The following EXT2 variants were observed in gnomAD, a reference collection of about 807,000 sequenced individuals.
EXT2 encodes the protein exostosin-2.
In EXT2, 53 loss-of-function variants were observed where a neutral mutation model predicts 81.6. That is an observed-to-expected ratio of 0.65 (90% CI 0.52 to 0.82). The LOEUF (loss-of-function observed/expected upper bound fraction) is 0.82, where lower values mean the gene tolerates loss of function less well. EXT2 is among the 40% of genes least tolerant of loss of function. EXT2 has a pLI of 0.00. For missense variants in EXT2, 774 were observed against 910.2 expected, an observed-to-expected ratio of 0.85 and a Z score of 1.93; for synonymous variants, 320 against 340.0, an observed-to-expected ratio of 0.94 and a Z score of 0.65.
intron 10 of EXT2, among the ~76,000 whole-genome samples, chr11:44,211,162 T>TTGTACAC (rs1448410029): frequency 6.6e-6 from 1 of 152,172 alleles, no homozygotes; most frequent in Non-Finnish European, 1.5e-5. Context: ...ATGTATGGCC[T>TTGTACAC]TGTACACTGT....
chr11:44,145,260 T>C (rs1229019718), intron 7 of EXT2, among the ~76,000 whole-genome samples: 1 of 152,070 alleles, frequency 6.6e-6, no homozygotes, highest in Non-Finnish European at 1.5e-5. Context: ...AAACATTGAG[T>C]AGAAAATGCC....
intron 3 of EXT2, among the ~76,000 whole-genome samples, chr11:44,113,530 G>A (rs1055642614): frequency 3.3e-5 from 5 of 152,198 alleles, no homozygotes; most frequent in Non-Finnish European, 7.3e-5. Flanking sequence ...CAAACTGCAA[G>A]AGAAGCACTG....
At chr11:44,176,167 C>G (rs1955155291) in intron 8 of EXT2, among the ~76,000 whole-genome samples, 1 of 152,062 alleles carries the variant, frequency 6.6e-6, no homozygotes, top group Admixed American at 6.5e-5. Flanking sequence ...CAGGCGAATT[C>G]ATAAAGAATT....
At chr11:44,167,948 A>C (rs2135119858) in intron 7 of EXT2, among the ~76,000 whole-genome samples, 1 of 151,154 alleles carries the variant, frequency 6.6e-6, no homozygotes, top group Non-Finnish European at 1.5e-5. Flanking sequence ...ATATCTCCCA[A>C]TGCTATCCCT....
At chr11:44,114,152 T>A in intron 3 of EXT2, 33 bp from the exon 4 acceptor site, 1 of 1,561,944 alleles carries the variant, frequency 6.4e-7, no homozygotes, top group South Asian at 1.1e-5. Flanking sequence ...AGTCCTTTCT[T>A]TCTCATCGTT....
intron 7 of EXT2, among the ~76,000 whole-genome samples, chr11:44,136,256 C>G (rs1172027956): frequency 6.6e-6 from 1 of 152,138 alleles, no homozygotes; most frequent in South Asian, 2.1e-4. Flanking sequence ...CAGTGTACAC[C>G]AGTTTACAAA....
chr11:44,167,008 G>A (rs527929568), intron 7 of EXT2, among the ~76,000 whole-genome samples: 1 of 152,296 alleles, frequency 6.6e-6, no homozygotes, highest in South Asian at 2.1e-4. Context: ...CAGTATTTGA[G>A]GGAATACCAT....
At chr11:44,130,213 G>A in intron 7 of EXT2, 75 bp downstream of exon 7, 2 of 1,152,320 alleles carry the variant, frequency 1.7e-6, no homozygotes, top group Admixed American at 1.7e-5. Context: ...AGAGGGACAG[G>A]AGCTGAATGC....
At chr11:44,121,239 A>G (rs1954312028) in intron 4 of EXT2, among the ~76,000 whole-genome samples, 1 of 152,204 alleles carries the variant, frequency 6.6e-6, no homozygotes, top group African/African-American at 2.4e-5. Context: ...GGATCCAGTG[A>G]TCCTGGTAAC....
chr11:44,146,665 A>G (rs1954722523), intron 7 of EXT2, among the ~76,000 whole-genome samples: 1 of 152,212 alleles, frequency 6.6e-6, no homozygotes, highest in South Asian at 2.1e-4. Context: ...ATGGTTCCCT[A>G]ATCACCACAG....
rs369368661 is a variant in EXT2, at chr11:44,107,780, G to A, written c.68G>A (p.Arg23Gln). Reference protein sequence around the residue: ...ALIPRMKTKHRIYYITLFSIV... With the variant: ...ALIPRMKTKHQIYYITLFSIV... The stretch of plus-strand genomic sequence containing the variant: ...ATCCCAAGAATGAAGACCAAGCACC[G>A]AATCTACTATATCACCCTCTTCTCC... The change falls in exon 2 of 14, where the codon CGA (arginine) becomes CAA (glutamine). Residue 23 changes from arginine to glutamine, a missense_variant. Around this residue, in one of 2 missense-constraint regions of EXT2, gnomAD observed 626 missense variants for 670.5 expected, o/e 0.93. Coordinates refer to ENST00000533608, the MANE Select transcript of EXT2 (RefSeq NM_207122.2). 2.7e-5 allele frequency: 43 copies of A among 1,614,002 alleles called. No homozygotes were observed. The highest frequency in any genetic ancestry group is 1.2e-4 in the South Asian group (11 of 91,084).
At position 44,194,571 on chromosome 11, in the gene EXT2, C is replaced by T. The variant is rs1955433561; in HGVS notation, c.1306-3258C>T. On this transcript the variant is annotated intron_variant, in intron 8 of 13. Transcript: ENST00000533608. ...GATTGCTTGAGTTGTATCTCAGTTC[C>T]ATCACTTACAGGTTATATAGCCTTG... Among the ~76,000 whole-genome samples the T allele has an allele frequency of 3.3e-5, 5 of 152,132 alleles. No individual in the cohort carries two copies. The South Asian group carries it at 8.3e-4, about 25-fold the overall frequency.
At position 44,246,729 on chromosome 11, in the gene EXT2, A is replaced by C. The variant is rs114811255; in HGVS notation, c.*2442A>C. Among the ~76,000 whole-genome samples, 416 of 152,356 alleles carry C rather than the reference A, an allele frequency of 2.7e-3. 1 individual carries two copies. The highest frequency in any genetic ancestry group is 9.1e-3 in the African/African-American group (380 of 41,584). ...GCAGGTGATGGCGATTCATGGATTCAGAGTGGGCTAGGGACTCCACTTTAT... is the reference window on the plus strand; with the variant it reads ...GCAGGTGATGGCGATTCATGGATTCCGAGTGGGCTAGGGACTCCACTTTAT... On this transcript the variant is annotated 3_prime_UTR_variant, in exon 14 of 14. Transcript: ENST00000533608.
At chr11:44,151,398 A>G (rs530389214) in intron 7 of EXT2, among the ~76,000 whole-genome samples, 6 of 148,060 alleles carry the variant, frequency 4.1e-5, no homozygotes, top group Admixed American at 1.3e-4. Flanking sequence ...CCTTCTCCCA[A>G]CTCTCGGAAA....
chr11:44,200,214 T>C (rs145923927), intron 9 of EXT2, among the ~76,000 whole-genome samples: 39 of 151,446 alleles, frequency 2.6e-4, no homozygotes, highest in Middle Eastern at 3.4e-3. Flanking sequence ...TGTTTTTCGC[T>C]TTCTCTACAT....
At chr11:44,154,108 T>G (rs975806588) in intron 7 of EXT2, among the ~76,000 whole-genome samples, 1 of 152,074 alleles carries the variant, frequency 6.6e-6, no homozygotes, top group Non-Finnish European at 1.5e-5. Flanking sequence ...TGGGTATCTA[T>G]CCCCTCAAGC....
intron 6 of EXT2, among the ~76,000 whole-genome samples, 192 bp from the exon 7 acceptor site, chr11:44,129,853 T>C (rs995848572): frequency 6.6e-6 from 1 of 151,826 alleles, no homozygotes; most frequent in African/African-American, 2.4e-5. Context: ...AAAATGGAGC[T>C]GTAAGAGAAC....
chr11:44,146,167 T>C (rs535026126), intron 7 of EXT2, among the ~76,000 whole-genome samples: 1 of 152,332 alleles, frequency 6.6e-6, no homozygotes, highest in South Asian at 2.1e-4. Context: ...ACTCTGTGTG[T>C]CCAAATTCCT....
intron 7 of EXT2, among the ~76,000 whole-genome samples, chr11:44,149,531 G>A (rs1954765153): frequency 2.0e-5 from 3 of 152,102 alleles, no homozygotes; most frequent in Admixed American, 1.3e-4. Context: ...TTGTAAATAC[G>A]TATTGGACCT....
Sources: allele counts gnomAD v4.1 joint callset (sites outside exome capture counted in the v4.1 genomes callset), GRCh38; gene constraint gnomAD v4.1.1; regional missense constraint gnomAD v4.1.1; transcripts MANE v1.5; gene names NCBI Gene and HGNC (gene_info 2026-07-23, HGNC 2026-07-21).